MAP4: variants seen among roughly 807,000 people sequenced by gnomAD.
The protein encoded by MAP4 is microtubule associated protein 4, also known as microtubule-associated protein 4.
Under a neutral mutation model 170.2 loss-of-function variants are expected in MAP4, and 76 were observed. The ratio of observed to expected loss-of-function variants is 0.45; its 90% CI spans 0.37 to 0.54. MAP4 has a LOEUF of 0.54. Among genes scored for constraint, MAP4 ranks in the 20% least tolerant of loss-of-function variants. The pLI is 0.00. For synonymous variants in MAP4, 909 were observed against 994.5 expected (o/e 0.91, Z 1.62); for missense variants, 2,506 against 2,748.0 (o/e 0.91, Z 1.97).
intron 4 of MAP4, among the ~76,000 whole-genome samples, chr3:47,927,983 A>C (rs1171363476): frequency 1.3e-5 from 2 of 152,240 alleles, no homozygotes; most frequent in Non-Finnish European, 2.9e-5. Context: ...TGGATCCTCT[A>C]ATCTTCAGTG....
chr3:48,076,266 G>A (rs2100143836), intron 1 of MAP4, among the ~76,000 whole-genome samples: 1 of 151,486 alleles, frequency 6.6e-6, no homozygotes, highest in South Asian at 2.1e-4. Context: ...GGAGCCCGAG[G>A]TGGGCAGATC....
intron 1 of MAP4, among the ~76,000 whole-genome samples, chr3:48,002,967 A>AAATAAATG (rs1186160110): frequency 4.7e-5 from 7 of 149,188 alleles, no homozygotes; most frequent in Non-Finnish European, 1.0e-4. Context: ...ATAAATAAAT[A>AAATAAATG]AATAAATAAA....
At chr3:47,959,514 T>C (rs1348795268) in intron 3 of MAP4, among the ~76,000 whole-genome samples, 4 of 151,450 alleles carry the variant, frequency 2.6e-5, no homozygotes, top group East Asian at 3.9e-4. Context: ...CCCAGCACTT[T>C]GGGAGGCCGA....
intron 3 of MAP4, among the ~76,000 whole-genome samples, chr3:47,956,410 C>T (rs1002366541): frequency 6.6e-6 from 1 of 152,124 alleles, no homozygotes; most frequent in Admixed American, 6.6e-5. Context: ...CACTACAGCC[C>T]CATTTAAAGA....
chr3:47,864,413 A>G (rs1277900963), intron 17 of MAP4, among the ~76,000 whole-genome samples: 1 of 152,112 alleles, frequency 6.6e-6, no homozygotes, highest in Non-Finnish European at 1.5e-5. Context: ...GCGGTGGCTC[A>G]TGCCTGTAAT....
chr3:48,050,253 C>T (rs904051011), intron 1 of MAP4, among the ~76,000 whole-genome samples: 2 of 103,402 alleles, frequency 1.9e-5, no homozygotes, highest in Non-Finnish European at 4.4e-5. Flanking sequence ...AGCGAGACTC[C>T]ATCTCAAAAA....
intron 1 of MAP4, among the ~76,000 whole-genome samples, chr3:48,057,459 GAC>G (rs2100132790): frequency 7.7e-6 from 1 of 130,434 alleles, no homozygotes; most frequent in Non-Finnish European, 1.6e-5. Flanking sequence ...AGTAACCAGG[GAC>G]ACAAACACTG....
intron 3 of MAP4, among the ~76,000 whole-genome samples, chr3:47,958,683 T>C (rs78442790): frequency 1.4e-5 from 1 of 70,992 alleles, no homozygotes; most frequent in African/African-American, 4.3e-5. Context: ...ACCCGGCTAA[T>C]TTTTTTTTTT....
chr3:47,983,762 T>TCCTGCCTCAGTCTCCCAG (rs1418868563), intron 2 of MAP4, among the ~76,000 whole-genome samples: 11 of 152,126 alleles, frequency 7.2e-5, no homozygotes, highest in African/African-American at 2.7e-4. Flanking sequence ...CAAGTGGTAC[T>TCCTGCCTCAGTCTCCCAG]CCTGCCTCAG....
intron 3 of MAP4, among the ~76,000 whole-genome samples, chr3:47,940,170 G>A (rs894213471): frequency 6.6e-5 from 10 of 152,178 alleles, no homozygotes; most frequent in African/African-American, 2.2e-4. Flanking sequence ...AATTTTGCTG[G>A]TTATTCCCTT....
At chr3:47,926,329 G>A (rs1158920869) in intron 4 of MAP4, among the ~76,000 whole-genome samples, 1 of 151,310 alleles carries the variant, frequency 6.6e-6, no homozygotes, top group African/African-American at 2.4e-5. Context: ...CATTACAGGC[G>A]CCCGCCACCA....
chr3:47,869,042 AC>A (rs1290754326), intron 16 of MAP4, among the ~76,000 whole-genome samples, 171 bp downstream of exon 16: 1 of 152,232 alleles, frequency 6.6e-6, no homozygotes, highest in Non-Finnish European at 1.5e-5. Flanking sequence ...CAAGGTTAAT[AC>A]AAAAAATTTT....
chr3:48,006,504 A>T (rs1328372061), intron 1 of MAP4, among the ~76,000 whole-genome samples: 1 of 152,212 alleles, frequency 6.6e-6, no homozygotes, highest in African/African-American at 2.4e-5. Context: ...TCATTACCCC[A>T]GTGCCAGAAT....
intron 1 of MAP4, among the ~76,000 whole-genome samples, chr3:48,012,324 C>T (rs116174526): frequency 6.6e-6 from 1 of 152,146 alleles, no homozygotes; most frequent in African/African-American, 2.4e-5. Context: ...TTGATGTCCA[C>T]GTGCCTAATT....
At chr3:47,905,829 C>A (rs1458729646) in intron 9 of MAP4, among the ~76,000 whole-genome samples, 1 of 151,828 alleles carries the variant, frequency 6.6e-6, no homozygotes, top group Non-Finnish European at 1.5e-5. Context: ...CCCAGCTCTA[C>A]TAAAAATACA....
Position 47,997,326 on chromosome 3 carries a change from T to TAA in MAP4, c.223+1310_223+1311dup. ...TCTAAACACAACATATTTAAACTGC[T>TAA]AAAAAAAAAAAAAAAAAAAGATAAA... On this transcript the variant is annotated intron_variant, in intron 2 of 20. Transcript: ENST00000683076. Among the ~76,000 whole-genome samples the TAA allele has an allele frequency of 6.1e-3, 276 of 44,970 alleles. 10 individuals carry two copies. The highest frequency in any genetic ancestry group is 7.9e-3 in the Non-Finnish European group (186 of 23,458). The allele number at this position is 44,970 out of a possible 152,430, so 29.5% of individuals were successfully genotyped here. A position where few individuals can be genotyped will look rare whatever the true frequency, so the allele number is the denominator to read the frequency against.
intron 3 of MAP4, among the ~76,000 whole-genome samples, chr3:47,976,421 G>C (rs1559671588): frequency 6.6e-6 from 1 of 152,122 alleles, no homozygotes; most frequent in East Asian, 1.9e-4. Flanking sequence ...TTCCTTCCTG[G>C]ATGAAAATGG....
chr3:48,000,172 G>A (rs959009018), intron 1 of MAP4, among the ~76,000 whole-genome samples: 5 of 131,042 alleles, frequency 3.8e-5, no homozygotes, highest in South Asian at 2.5e-4. Context: ...CCGAGGTTGC[G>A]CCACTGCACT....
At chr3:47,892,973 C>A in intron 10 of MAP4, 3 of 721,292 alleles carry the variant, frequency 4.2e-6, no homozygotes, top group Non-Finnish European at 5.1e-6. Flanking sequence ...TTTGCCAATC[C>A]CCAGCTATAA....
Sources: allele counts gnomAD v4.1 joint callset (sites outside exome capture counted in the v4.1 genomes callset), GRCh38; gene constraint gnomAD v4.1.1; transcripts MANE v1.5; gene names NCBI Gene and HGNC (gene_info 2026-07-23, HGNC 2026-07-21).